Variants in ADAMTS3 observed in about 807,000 individuals in gnomAD.
The protein encoded by ADAMTS3 is ADAM metallopeptidase with thrombospondin type 1 motif 3, also known as A disintegrin and metalloproteinase with thrombospondin motifs 3.
Under a neutral mutation model 129.0 loss-of-function variants are expected in ADAMTS3, and 73 were observed. The ratio of observed to expected loss-of-function variants is 0.57; its 90% CI spans 0.47 to 0.69. The LOEUF (loss-of-function observed/expected upper bound fraction) is 0.69. Among genes scored for constraint, ADAMTS3 ranks in the 30% least tolerant of loss-of-function variants. The pLI, the probability that ADAMTS3 is intolerant of heterozygous loss-of-function variation, is 0.00. For missense variants in ADAMTS3, 1,457 were observed against 1,514.5 expected, an observed-to-expected ratio of 0.96 and a Z score of 0.63; for synonymous variants, 477 against 510.8, an observed-to-expected ratio of 0.93 and a Z score of 0.89.
intron 4 of ADAMTS3, among the ~76,000 whole-genome samples, chr4:72,370,414 T>C (rs1187701898): frequency 1.4e-5 from 2 of 146,196 alleles, no homozygotes. Flanking sequence ...CTGCTTATTA[T>C]ATCAATCTGC....
rs755116141 is a variant in ADAMTS3 at position 72,339,592 on chromosome 4, C to A, written c.763G>T (p.Asp255Tyr). Residue 255 changes from aspartate to tyrosine, a missense_variant, in exon 5 of 22, where the codon GAT (aspartate) becomes TAT (tyrosine). By Grantham distance (160) the Asp-to-Tyr change is radical. Transcript: ENST00000286657. ...MRRRRHAGEN[D>Y]YNIEVLLGVD... ...CCCAGCAGTACCTCGATATTGTAAT[C>A]GTTTTCTCCCGCGTGTCTGCGGCGT... 1.9e-6 allele frequency: 3 copies of A among 1,613,812 alleles called. No homozygotes were observed. The highest frequency in any genetic ancestry group is 2.2e-5 in the South Asian group (2 of 91,078).
intron 3 of ADAMTS3, among the ~76,000 whole-genome samples, chr4:72,416,983 C>A (rs574657750): frequency 1.8e-4 from 28 of 152,302 alleles, no homozygotes; most frequent in Non-Finnish European, 3.7e-4. Context: ...CGTGAACCGG[C>A]TTTATCCCAG....
intron 5 of ADAMTS3, 72 bp downstream of exon 5, chr4:72,339,422 G>A: frequency 1.4e-6 from 2 of 1,479,270 alleles, no homozygotes; most frequent in African/African-American, 1.4e-5. Flanking sequence ...CACACAGATT[G>A]CCAAAGGGTA....
intron 12 of ADAMTS3, 92 bp from the exon 13 acceptor site, chr4:72,312,558 T>C (rs1202634602): frequency 7.9e-7 from 1 of 1,269,186 alleles, no homozygotes; most frequent in African/African-American, 1.5e-5. Flanking sequence ...AAAGCCAAAG[T>C]TTCTGGGCTG....
chr4:72,294,440 C>A (rs537891595), intron 19 of ADAMTS3, among the ~76,000 whole-genome samples: 1 of 152,046 alleles, frequency 6.6e-6, no homozygotes, highest in South Asian at 2.1e-4. Context: ...GCTAGGAGAG[C>A]AGATTTGAAA....
intron 3 of ADAMTS3, among the ~76,000 whole-genome samples, chr4:72,436,057 T>G (rs1404044934): frequency 6.6e-6 from 1 of 151,674 alleles, no homozygotes; most frequent in South Asian, 2.1e-4. Flanking sequence ...ACCATCAGAG[T>G]GAACAGGCAA....
intron 21 of ADAMTS3, 118 bp from the exon 22 acceptor site, chr4:72,283,822 G>T: frequency 1.3e-6 from 1 of 770,762 alleles, no homozygotes; most frequent in Non-Finnish European, 2.0e-6. Context: ...GACACTAACG[G>T]GAGTGATCCA....
intron 3 of ADAMTS3, among the ~76,000 whole-genome samples, chr4:72,434,659 C>A (rs1005439617): frequency 6.6e-6 from 1 of 151,796 alleles, no homozygotes; most frequent in African/African-American, 2.4e-5. Flanking sequence ...GATTAGGTTA[C>A]ATATGTGGCA....
chr4:72,529,248 A>G (rs1720894871), intron 3 of ADAMTS3, among the ~76,000 whole-genome samples: 1 of 152,176 alleles, frequency 6.6e-6, no homozygotes, highest in Non-Finnish European at 1.5e-5. Flanking sequence ...AGGGGAAATG[A>G]CATCAGGGAA....
intron 10 of ADAMTS3, 144 bp downstream of exon 10, chr4:72,318,428 C>G: frequency 1.3e-6 from 1 of 774,096 alleles, no homozygotes; most frequent in Non-Finnish European, 2.0e-6. Flanking sequence ...AAGCATTTAG[C>G]TGTAGCACAC....
intron 3 of ADAMTS3, among the ~76,000 whole-genome samples, chr4:72,504,654 A>G (rs1385881607): frequency 6.6e-6 from 1 of 152,116 alleles, no homozygotes; most frequent in African/African-American, 2.4e-5. Flanking sequence ...TTTCATTCAA[A>G]TATCTTTTAC....
intron 18 of ADAMTS3, among the ~76,000 whole-genome samples, chr4:72,296,936 CTATT>C (rs1454240594): frequency 6.6e-6 from 1 of 152,028 alleles, no homozygotes; most frequent in Non-Finnish European, 1.5e-5. Flanking sequence ...AATTTAAAAA[CTATT>C]TGTTTTATAA....
chr4:72,349,055 G>C (rs1245476614), intron 4 of ADAMTS3, among the ~76,000 whole-genome samples: 2 of 152,012 alleles, frequency 1.3e-5, no homozygotes, highest in South Asian at 2.1e-4. Flanking sequence ...TATTAAATTA[G>C]GGGTGATTTA....
chr4:72,411,743 C>A (rs997560005), intron 4 of ADAMTS3, among the ~76,000 whole-genome samples: 1 of 152,038 alleles, frequency 6.6e-6, no homozygotes, highest in Non-Finnish European at 1.5e-5. Flanking sequence ...CTTTATCAAG[C>A]CTATTTCTGT....
At chr4:72,496,265 T>C (rs1719870972) in intron 3 of ADAMTS3, among the ~76,000 whole-genome samples, 1 of 152,166 alleles carries the variant, frequency 6.6e-6, no homozygotes. Context: ...TACCTTCAAA[T>C]GTAATAAATT....
chr4:72,510,126 CATA>C (rs1199800516), intron 3 of ADAMTS3, among the ~76,000 whole-genome samples: 26 of 148,842 alleles, frequency 1.7e-4, no homozygotes, highest in African/African-American at 6.1e-4. Context: ...CATGCCTCAA[CATA>C]ATAAAAGCAA....
chr4:72,324,873 A>G (rs1719661027), intron 5 of ADAMTS3, among the ~76,000 whole-genome samples: 2 of 152,192 alleles, frequency 1.3e-5, no homozygotes, highest in South Asian at 4.1e-4. Context: ...GGTTGGGGAT[A>G]CATAATGGTT....
intron 1 of ADAMTS3, among the ~76,000 whole-genome samples, chr4:72,567,661 T>A (rs1251056823): frequency 6.6e-6 from 1 of 152,146 alleles, no homozygotes; most frequent in African/African-American, 2.4e-5. Flanking sequence ...ACATACAGAC[T>A]CTCAATGCTC....
At chr4:72,536,003 C>T (rs1721176447) in intron 3 of ADAMTS3, among the ~76,000 whole-genome samples, 1 of 152,162 alleles carries the variant, frequency 6.6e-6, no homozygotes. Flanking sequence ...GTTTGAACTA[C>T]ATCACACCAC....
Sources: gnomAD v4.1 joint callset for allele counts (sites outside exome capture counted in the v4.1 genomes callset) on GRCh38, gnomAD v4.1.1 for gene constraint, MANE v1.5 for transcripts, NCBI Gene and HGNC (gene_info 2026-07-23, HGNC 2026-07-21) for gene names.